ARHGAP31: variants seen among roughly 807,000 people sequenced by gnomAD.
ARHGAP31 encodes rho GTPase-activating protein 31.
In ARHGAP31, 34 loss-of-function variants were observed where a neutral mutation model predicts 113.9. The ratio of observed to expected loss-of-function variants is 0.30; its 90% confidence interval spans 0.23 to 0.40. The LOEUF is 0.40. Ranked by LOEUF, ARHGAP31 falls within the 10% of genes least tolerant of loss-of-function variation. The pLI, the probability that ARHGAP31 is intolerant of heterozygous loss-of-function variation, is 1.00. For synonymous variants in ARHGAP31, 650 were observed against 684.8 expected, an observed-to-expected ratio of 0.95 and a Z score of 0.79; for missense variants, 1,548 against 1,767.1, an observed-to-expected ratio of 0.88 and a Z score of 2.22.
At chr3:119,334,207 C>T (rs1241687023) in intron 1 of ARHGAP31, among the ~76,000 whole-genome samples, 1 of 152,098 alleles carries the variant, frequency 6.6e-6, no homozygotes, top group Non-Finnish European at 1.5e-5. Context: ...TCCCGGCTCC[C>T]CCTCATCTCC....
rs1304494675 is a variant in ARHGAP31 at position 119,365,392 on chromosome 3, A to G, written c.177A>G (p.Gly59=). 1 of 1,614,082 alleles carries G rather than the reference A, an allele frequency of 6.2e-7. No homozygotes were observed. The highest frequency in any genetic ancestry group is 8.5e-7 in the Non-Finnish European group (1 of 1,179,992). ...TGGATGGAATCTATCGGCTTTCAGG[A>G]GTCACCTCAAACATACAACGGCTAA... is the stretch of plus-strand genomic sequence containing the variant. ...GIVDGIYRLS[G]VTSNIQRLRQ... The change falls in exon 2 of 12, where the codon GGA becomes GGG. Residue 59 remains glycine, a synonymous_variant. Transcript: ENST00000264245.
At chr3:119,302,781 CAT>C (rs1258198903) in intron 1 of ARHGAP31, among the ~76,000 whole-genome samples, 6 of 152,192 alleles carry the variant, frequency 3.9e-5, no homozygotes, top group African/African-American at 1.4e-4. Flanking sequence ...TAGCATATTT[CAT>C]AATTTGGCAT....
chr3:119,308,957 C>T lies in ARHGAP31; in HGVS notation c.100+13953C>T, dbSNP rs148421907. Among the ~76,000 whole-genome samples, 449 of 152,230 alleles carry T rather than the reference C, an allele frequency of 2.9e-3. 5 individuals carry two copies. The highest frequency in any genetic ancestry group is 0.01 in the African/African-American group (423 of 41,540). ...CTGGACTCAAGTGATCCTCCCGCCT[C>T]ATCCCCCCTAAGAAGCTGGGACTAC... On this transcript the variant is annotated intron_variant, in intron 1 of 11. Coordinates refer to ENST00000264245, the MANE Select transcript of ARHGAP31 (RefSeq NM_020754.4).
At chr3:119,409,471 C>T in intron 10 of ARHGAP31, 25 bp from the exon 11 acceptor site, 1 of 1,613,798 alleles carries the variant, frequency 6.2e-7, no homozygotes, top group Non-Finnish European at 8.5e-7. Flanking sequence ...TCTCCTTTAA[C>T]TGATAACTCT....
chr3:119,306,404 A>G (rs1296572127), intron 1 of ARHGAP31, among the ~76,000 whole-genome samples: 1 of 152,152 alleles, frequency 6.6e-6, no homozygotes, highest in African/African-American at 2.4e-5. Flanking sequence ...AAAAATTACA[A>G]AAATTAGCTG....
chr3:119,311,559 G>T (rs772369193), intron 1 of ARHGAP31, among the ~76,000 whole-genome samples: 5 of 152,180 alleles, frequency 3.3e-5, no homozygotes, highest in Non-Finnish European at 7.3e-5. Flanking sequence ...GACCTCTTTG[G>T]GGGGACGTTA....
At chr3:119,301,368 G>A (rs775805372) in intron 1 of ARHGAP31, among the ~76,000 whole-genome samples, 1 of 152,212 alleles carries the variant, frequency 6.6e-6, no homozygotes, top group African/African-American at 2.4e-5. Flanking sequence ...AGAGCTGAAG[G>A]CCTGCTCTTG....
At chr3:119,378,077 T>C (rs1334995592) in intron 3 of ARHGAP31, among the ~76,000 whole-genome samples, 1 of 152,148 alleles carries the variant, frequency 6.6e-6, no homozygotes, top group African/African-American at 2.4e-5. Context: ...CTGGCCTTAC[T>C]GACACTGATT....
At chr3:119,322,729 T>C in intron 1 of ARHGAP31, 1 of 153,182 alleles carries the variant, frequency 6.5e-6, no homozygotes, top group Non-Finnish European at 1.5e-5. Context: ...CTTCACTCGC[T>C]TCCCCTCGAG....
intron 11 of ARHGAP31, among the ~76,000 whole-genome samples, chr3:119,409,983 A>G (rs1345413369): frequency 6.6e-6 from 1 of 152,246 alleles, no homozygotes; most frequent in Non-Finnish European, 1.5e-5. Context: ...GGGAGGAAAC[A>G]TCCTGTTCAG....
chr3:119,323,673 C>T (rs1230560828), intron 1 of ARHGAP31, among the ~76,000 whole-genome samples: 2 of 152,296 alleles, frequency 1.3e-5, no homozygotes, highest in Admixed American at 6.5e-5. Context: ...GGAGCAAGCC[C>T]TGTCCTCGTT....
chr3:119,342,527 C>G (rs2080017509), intron 1 of ARHGAP31, among the ~76,000 whole-genome samples: 1 of 152,060 alleles, frequency 6.6e-6, no homozygotes, highest in Non-Finnish European at 1.5e-5. Context: ...TGACTGCCCC[C>G]AAAACTGGCT....
chr3:119,324,873 T>C, intron 1 of ARHGAP31: 1 of 451,510 alleles, frequency 2.2e-6, no homozygotes, highest in Non-Finnish European at 4.4e-6. Context: ...TAAACCAAGG[T>C]CTCTTGGTCT....
intron 1 of ARHGAP31, 115 bp from the exon 2 acceptor site, chr3:119,365,201 A>T: frequency 2.5e-6 from 2 of 806,222 alleles, no homozygotes; most frequent in Non-Finnish European, 4.1e-6. Flanking sequence ...TGTAAGTCAT[A>T]TGAGTTCCAT....
chr3:119,375,037 A>AC (rs1349747216), intron 3 of ARHGAP31, among the ~76,000 whole-genome samples: 2 of 151,648 alleles, frequency 1.3e-5, no homozygotes, highest in Non-Finnish European at 2.9e-5. Context: ...GTTTTTCTTC[A>AC]CCTATAAGTA....
chr3:119,415,583 T>C lies in ARHGAP31; in HGVS notation c.3654T>C (p.Ser1218=). 6.2e-7 allele frequency: 1 copy of C among 1,614,068 alleles called. No homozygotes were observed. The highest frequency in any genetic ancestry group is 8.5e-7 in the Non-Finnish European group (1 of 1,180,014). ...CCCAGATCCCACAGCCCCTGCCCTC[T>C]CAGAGCTCAGGGGAGAATGGGGTTC... ...QYTQIPQPLP[S]QSSGENGVQP... is the part of the protein sequence containing the mutation. The change falls in exon 12 of 12, where the codon TCT becomes TCC. Residue 1218 remains serine, a synonymous_variant. Coordinates refer to ENST00000264245, the MANE Select transcript of ARHGAP31 (RefSeq NM_020754.4).
At chr3:119,304,657 GATAA>G (rs148414679) in intron 1 of ARHGAP31, among the ~76,000 whole-genome samples, 8,954 of 152,190 alleles carry the variant, frequency 0.059, 688 homozygotes, top group African/African-American at 0.18. Flanking sequence ...CAAACCAGCT[GATAA>G]TAACAAGAGT....
Position 119,383,122 on chromosome 3 carries a change from C to A in ARHGAP31, c.578C>A (p.Ala193Glu). ...EIEATGCNGD[A>E]AFLAVRVQQV... ...GAAGCCACTGGTTGCAATGGAGATGCAGCCTTCCTTGCAGTCCGGGTCCAG... is the reference window on the plus strand; with the variant it reads ...GAAGCCACTGGTTGCAATGGAGATGAAGCCTTCCTTGCAGTCCGGGTCCAG... The change falls in exon 6 of 12, where the codon GCA becomes GAA. Residue 193 changes from alanine to glutamate, a missense_variant. Physicochemically the swap from Ala to Glu is moderately radical, Grantham distance 107. Coordinates refer to ENST00000264245, the MANE Select transcript of ARHGAP31 (RefSeq NM_020754.4). 6.2e-7 allele frequency: 1 copy of A among 1,614,220 alleles called. No homozygotes were observed. The highest frequency in any genetic ancestry group is 8.5e-7 in the Non-Finnish European group (1 of 1,180,034).
chr3:119,299,876 G>T (rs1050525131), intron 1 of ARHGAP31, among the ~76,000 whole-genome samples: 4 of 152,224 alleles, frequency 2.6e-5, no homozygotes, highest in Admixed American at 6.5e-5. Context: ...TTCAAGAAAA[G>T]ATTTAACCTT....
Sources: allele counts gnomAD v4.1 joint callset (sites outside exome capture counted in the v4.1 genomes callset), GRCh38; gene constraint gnomAD v4.1.1; transcripts MANE v1.5; gene names NCBI Gene and HGNC (gene_info 2026-07-23, HGNC 2026-07-21).